PPP2R2D: variants seen among roughly 807,000 people sequenced by gnomAD.
PPP2R2D encodes the protein serine/threonine-protein phosphatase 2A 55 kDa regulatory subunit B delta isoform.
A neutral mutation model predicts 31.1 loss-of-function variants in PPP2R2D; 9 were observed. The observed-to-expected ratio is 0.29, with a 90% CI of 0.17 to 0.51. The LOEUF is 0.51. Among genes scored for constraint, PPP2R2D ranks in the 20% least tolerant of loss-of-function variants. The pLI, the probability that PPP2R2D is intolerant of heterozygous loss-of-function variation, is 0.98. For missense variants in PPP2R2D, 391 were observed against 465.6 expected (o/e 0.84, Z 1.48); for synonymous variants, 179 against 172.6 (o/e 1.04, Z -0.29).
chr10:131,902,613 TTTTG>T (rs1202058002), intron 2 of PPP2R2D, among the ~76,000 whole-genome samples: 1 of 152,242 alleles, frequency 6.6e-6, no homozygotes, highest in Non-Finnish European at 1.5e-5. Flanking sequence ...GCATTACTTT[TTTTG>T]TTTGATTTTG....
At chr10:131,961,815 CTT>C (rs2036923802), downstream of PPP2R2D, among the ~76,000 whole-genome samples, 1 of 150,484 alleles carries the variant, frequency 6.6e-6, no homozygotes, top group Non-Finnish European at 1.5e-5. Flanking sequence ...GGAACCCACA[CTT>C]GATGTCCTCC....
At position 131,901,036 on chromosome 10, in the gene PPP2R2D, C is replaced by T. The variant is rs2035480504; in HGVS notation, c.-113C>T. On this transcript the variant is annotated 5_prime_UTR_variant, in exon 1 of 9. Transcript: ENST00000455566. ...AATCCCTCCCCGGCGGCGGCGGCGG[C>T]GGCGGCGGCGCCGGCGGTGGTGGCG... is the stretch of plus-strand genomic sequence containing the variant. 6.3e-6 allele frequency: 1 copy of T among 159,390 alleles called. No homozygotes were observed. The highest frequency in any genetic ancestry group is 1.3e-5 in the Non-Finnish European group (1 of 74,988). The allele number at this position is 159,390 out of a possible 1,614,324, so 9.9% of individuals were successfully genotyped here. A position where few individuals can be genotyped will look rare whatever the true frequency, so the allele number is the denominator to read the frequency against.
chr10:131,959,953 G>A (rs1372544387), downstream of PPP2R2D: 1 of 152,226 alleles, frequency 6.6e-6, no homozygotes, highest in African/African-American at 2.4e-5. Context: ...CGGGTCCCGT[G>A]TGTAGAGGTT....
At chr10:131,970,574 T>G in the PPP2R2D span, 1 of 1,568,754 alleles carries the variant, frequency 6.4e-7, no homozygotes, top group Non-Finnish European at 8.7e-7. The surrounding 1 kb of genome is among the most constrained non-coding windows in gnomAD (Gnocchi z 4.1). Flanking sequence ...TACGAATAAA[T>G]CACTGCAACC....
chr10:131,926,559 A>G (rs2036111089), intron 2 of PPP2R2D, among the ~76,000 whole-genome samples: 1 of 152,184 alleles, frequency 6.6e-6, no homozygotes, highest in Admixed American at 6.5e-5. Flanking sequence ...CTTGTCTGTC[A>G]GTTTGTCGTA....
At chr10:131,919,558 A>G (rs1281339601) in intron 2 of PPP2R2D, among the ~76,000 whole-genome samples, 915 of 37,188 alleles carry the variant, frequency 0.025, no homozygotes, top group Middle Eastern at 0.077. Context: ...GAATGACACA[A>G]TGTAGGGATC....
At position 131,957,924 on chromosome 10, in the gene PPP2R2D, TGAA is replaced by T. The variant is rs370924539; in HGVS notation, c.*1963_*1965del. On this transcript the variant is annotated 3_prime_UTR_variant, in exon 9 of 9. Coordinates refer to ENST00000455566, the MANE Select transcript of PPP2R2D (RefSeq NM_018461.5). ...GCTGATCCCCGTCCCCCTGTGGAGA[TGAA>T]GGTGTGTGCTGATCCCCCATCTCCC... 14 of 135,062 alleles carry T rather than the reference TGAA, an allele frequency of 1.0e-4. No homozygotes were observed. In the East Asian group the frequency reaches 3.3e-3, roughly 32 times the overall value. 8.4% of individuals were successfully genotyped at this position (135,062 alleles called of 1,614,324 possible).
intron 8 of PPP2R2D, among the ~76,000 whole-genome samples, chr10:131,949,015 T>TCTCACA (rs2036593932): frequency 6.6e-6 from 1 of 152,078 alleles, no homozygotes; most frequent in Non-Finnish European, 1.5e-5. Context: ...ATCTGTAAAA[T>TCTCACA]CTCACACTGT....
intron 2 of PPP2R2D, chr10:131,911,462 A>T (rs1253976454): frequency 6.6e-6 from 1 of 152,256 alleles, no homozygotes; most frequent in African/African-American, 2.4e-5. Flanking sequence ...ACAGGGTTGG[A>T]ATTGAATAAA....
At chr10:131,934,150 GA>G (rs2036295729) in intron 2 of PPP2R2D, among the ~76,000 whole-genome samples, 1 of 151,882 alleles carries the variant, frequency 6.6e-6, no homozygotes, top group African/African-American at 2.4e-5. Flanking sequence ...TTTTACAGAT[GA>G]ATTTTCTAAA....
intron 8 of PPP2R2D, among the ~76,000 whole-genome samples, chr10:131,949,296 A>G (rs1247560056): frequency 6.6e-6 from 1 of 152,072 alleles, no homozygotes; most frequent in Non-Finnish European, 1.5e-5. Flanking sequence ...GGCAGTAAAC[A>G]CACCTGCACT....
At chr10:131,963,171 A>C (rs1010398258), downstream of PPP2R2D, among the ~76,000 whole-genome samples, 3 of 152,216 alleles carry the variant, frequency 2.0e-5, no homozygotes, top group Admixed American at 2.0e-4. Context: ...TCTCAAAAAA[A>C]GGTTGGGATG....
chr10:131,929,064 A>G (rs565233500), intron 2 of PPP2R2D, among the ~76,000 whole-genome samples: 2 of 152,316 alleles, frequency 1.3e-5, no homozygotes, highest in South Asian at 4.2e-4. Flanking sequence ...TTCTCTCCAG[A>G]TGCAGTTTCT....
At chr10:131,969,643 C>T in the PPP2R2D span, 2 of 152,428 alleles carry the variant, frequency 1.3e-5, no homozygotes, top group African/African-American at 2.4e-5. Context: ...GCCCTCTGGC[C>T]AACCTACCTA....
At chr10:131,964,337 T>G (rs1177523487), downstream of PPP2R2D, among the ~76,000 whole-genome samples, 2 of 152,100 alleles carry the variant, frequency 1.3e-5, no homozygotes, top group East Asian at 1.9e-4. Flanking sequence ...TGTTTTTTTT[T>G]TGTTTTGTTT....
At chr10:131,904,203 CAA>C (rs1308536061) in intron 2 of PPP2R2D, among the ~76,000 whole-genome samples, 4 of 117,508 alleles carry the variant, frequency 3.4e-5, no homozygotes, top group Admixed American at 8.9e-5. Context: ...GACTCCGTCT[CAA>C]AAAAAAAAAA....
chr10:131,951,054 G>C (rs2036626928), intron 8 of PPP2R2D, among the ~76,000 whole-genome samples: 1 of 152,188 alleles, frequency 6.6e-6, no homozygotes, highest in South Asian at 2.1e-4. Context: ...TCAGAAAAGA[G>C]CAAAAACCAT....
chr10:131,932,185 A>G, intron 2 of PPP2R2D, among the ~76,000 whole-genome samples: 1 of 152,122 alleles, frequency 6.6e-6, no homozygotes, highest in Non-Finnish European at 1.5e-5. Context: ...AGGATTGCAC[A>G]GCCAGACAGC....
intron 2 of PPP2R2D, among the ~76,000 whole-genome samples, chr10:131,918,070 G>C (rs1195695203): frequency 6.9e-6 from 1 of 143,998 alleles, no homozygotes. Flanking sequence ...AGGGACCTCA[G>C]GCGGGTGGAG....
Sources: gnomAD v4.1 joint callset for allele counts (sites outside exome capture counted in the v4.1 genomes callset) on GRCh38, gnomAD v4.1.1 for gene constraint, Gnocchi (gnomAD v3.1) non-coding constraint, MANE v1.5 for transcripts, NCBI Gene and HGNC (gene_info 2026-07-23, HGNC 2026-07-21) for gene names.